VKORC1L1: variants seen among roughly 807,000 people sequenced by gnomAD.
VKORC1L1 encodes the protein vitamin K epoxide reductase complex subunit 1L1.
VKORC1L1 carries 2 observed loss-of-function variants against 18.9 expected under a neutral mutation model. The observed-to-expected ratio is 0.11, with a 90% CI of 0.04 to 0.33. The LOEUF is 0.33. Ranked by LOEUF, VKORC1L1 falls within the 10% of genes least tolerant of loss-of-function variation. The pLI is 1.00. For synonymous variants in VKORC1L1, 96 were observed against 100.0 expected (o/e 0.96, Z 0.24); for missense variants, 123 against 224.1 (o/e 0.55, Z 2.88).
rs1788761521 is a variant in VKORC1L1, at chr7:65,873,333, G to T, written c.-39G>T. 8 of 1,440,236 alleles carry T rather than the reference G, an allele frequency of 5.6e-6. No homozygotes were observed. Among genetic ancestry groups the T allele is most frequent in the African/African-American group, 1.5e-5 (1 of 68,058 alleles). The allele number at this position is 1,440,236 out of a possible 1,614,324, so 89.2% of individuals were successfully genotyped here. On this transcript the variant is annotated 5_prime_UTR_variant, in exon 1 of 3. Transcript: ENST00000360768. The stretch of plus-strand genomic sequence containing the variant: ...GCCCCGACGGGCGGCGGCGGCTGAG[G>T]TGGAGGCGGAGGGAGGCGGCGGCGG...
chr7:65,935,338 G>C (rs1381686833), intron 1 of VKORC1L1, among the ~76,000 whole-genome samples: 1 of 151,700 alleles, frequency 6.6e-6, no homozygotes, highest in African/African-American at 2.4e-5. Flanking sequence ...TGAGATGGAG[G>C]CTTGGTCTGT....
chr7:65,944,549 G>A (rs62470922), intron 1 of VKORC1L1, among the ~76,000 whole-genome samples: 5,706 of 151,828 alleles, frequency 0.038, 167 homozygotes, highest in East Asian at 0.097. Context: ...AATAATACAT[G>A]GGTGTTTATT....
At chr7:65,953,934 T>G in intron 2 of VKORC1L1, 140 bp from the exon 3 acceptor site, 1 of 705,050 alleles carries the variant, frequency 1.4e-6, no homozygotes, top group Non-Finnish European at 2.3e-6. Context: ...CAGAGCAGTA[T>G]TTCTGTTCTC....
At chr7:65,900,760 G>A (rs1789301785) in intron 1 of VKORC1L1, among the ~76,000 whole-genome samples, 1 of 151,590 alleles carries the variant, frequency 6.6e-6, no homozygotes, top group South Asian at 2.1e-4. Flanking sequence ...AGCCAAGATT[G>A]CGCCATTGAA....
At chr7:65,954,047 ACT>A (rs1229704908) in intron 2 of VKORC1L1, 25 bp from the exon 3 acceptor site, 1 of 1,569,552 alleles carries the variant, frequency 6.4e-7, no homozygotes. Flanking sequence ...CCAAGGCCTG[ACT>A]GAGCCTGCGT....
chr7:65,880,259 A>G (rs1188352694), intron 1 of VKORC1L1, among the ~76,000 whole-genome samples: 2 of 152,208 alleles, frequency 1.3e-5, no homozygotes, highest in East Asian at 1.9e-4. Flanking sequence ...TTCTGTATCT[A>G]TGTGACAAAA....
Position 65,894,024 on chromosome 7 carries a change from G to A in VKORC1L1, c.194+20459G>A, listed in dbSNP as rs1464624365. 4.0e-5 allele frequency among the ~76,000 whole-genome samples: 6 copies of A among 151,574 alleles called. No homozygotes were observed. In the South Asian group the frequency reaches 8.3e-4, roughly 21 times the overall value. ...GGCTGGAGTGCAATGGTGCGATCTC[G>A]GCTCACTGCAACCTCCGCCTCCCAG... is the stretch of plus-strand genomic sequence containing the variant. On this transcript the variant is annotated intron_variant, in intron 1 of 2. Transcript: ENST00000360768.
chr7:65,889,064 T>A (rs1209278184), intron 1 of VKORC1L1, among the ~76,000 whole-genome samples: 5 of 151,642 alleles, frequency 3.3e-5, no homozygotes, highest in Non-Finnish European at 7.4e-5. Context: ...TGACAGTTCT[T>A]CATTTTCCTC....
chr7:65,889,760 C>T (rs1789080252), intron 1 of VKORC1L1, among the ~76,000 whole-genome samples: 1 of 152,142 alleles, frequency 6.6e-6, no homozygotes, highest in South Asian at 2.1e-4. Flanking sequence ...CGCACCTAAA[C>T]TTAGTAGTTT....
chr7:65,954,462 G>A lies in VKORC1L1; in HGVS notation c.*162G>A, dbSNP rs562583322. ...ATCCGGTAAATTAGAAGGGGCCCTCGCTATTTTCTGTGTCAGTCTTCATTT... is the reference window on the plus strand; with the variant it reads ...ATCCGGTAAATTAGAAGGGGCCCTCACTATTTTCTGTGTCAGTCTTCATTT... On this transcript the variant is annotated 3_prime_UTR_variant, in exon 3 of 3. Transcript: ENST00000360768. 10 of 1,206,848 alleles carry A rather than the reference G, an allele frequency of 8.3e-6. No individual in the cohort carries two copies. Among genetic ancestry groups the A allele is most frequent in the Admixed American group, 3.2e-5 (1 of 31,296 alleles). The allele number at this position is 1,206,848 out of a possible 1,614,324, so 74.8% of individuals were successfully genotyped here.
intron 1 of VKORC1L1, among the ~76,000 whole-genome samples, chr7:65,891,816 A>G (rs1200270676): frequency 2.6e-5 from 4 of 152,200 alleles, no homozygotes; most frequent in South Asian, 2.1e-4. Context: ...GAATATTCCA[A>G]TTCTAGTCTT....
intron 1 of VKORC1L1, among the ~76,000 whole-genome samples, chr7:65,924,734 G>A (rs1456334439): frequency 6.6e-6 from 1 of 152,128 alleles, no homozygotes; most frequent in African/African-American, 2.4e-5. Flanking sequence ...TTCAAATTGG[G>A]TGAAAATCTA....
intron 1 of VKORC1L1, among the ~76,000 whole-genome samples, chr7:65,876,023 A>C (rs562126476): frequency 1.3e-5 from 2 of 152,302 alleles, no homozygotes; most frequent in African/African-American, 4.8e-5. Context: ...TCTGTGTGTA[A>C]AGTCCTCTAT....
chr7:65,914,853 A>G (rs934203819), intron 1 of VKORC1L1, among the ~76,000 whole-genome samples: 3 of 152,070 alleles, frequency 2.0e-5, no homozygotes, highest in Non-Finnish European at 4.4e-5. Flanking sequence ...AAAATAACAA[A>G]AATTAGCTGG....
intron 1 of VKORC1L1, among the ~76,000 whole-genome samples, chr7:65,948,004 C>T (rs1790151021): frequency 1.3e-5 from 2 of 152,234 alleles, no homozygotes; most frequent in African/African-American, 4.8e-5. Flanking sequence ...TTAAAAAATA[C>T]ATTCCCAGTA....
intron 1 of VKORC1L1, among the ~76,000 whole-genome samples, chr7:65,884,813 A>T (rs920760675): frequency 6.6e-6 from 1 of 152,212 alleles, no homozygotes; most frequent in African/African-American, 2.4e-5. Context: ...TTCCCCAAGC[A>T]TCAGCAAGAT....
intron 1 of VKORC1L1, among the ~76,000 whole-genome samples, chr7:65,890,155 G>C (rs1379447454): frequency 1.6e-5 from 2 of 128,148 alleles, no homozygotes; most frequent in African/African-American, 3.0e-5. Flanking sequence ...TTTTGAGACA[G>C]AGTCTCGCTC....
intron 1 of VKORC1L1, among the ~76,000 whole-genome samples, chr7:65,920,578 CAGG>C (rs1789659091): frequency 6.6e-6 from 1 of 152,160 alleles, no homozygotes; most frequent in Non-Finnish European, 1.5e-5. Context: ...AGAAAGCTAA[CAGG>C]AGGAGTGGGG....
chr7:65,875,808 T>C (rs1466763336), intron 1 of VKORC1L1, among the ~76,000 whole-genome samples: 1 of 152,212 alleles, frequency 6.6e-6, no homozygotes, highest in African/African-American at 2.4e-5. Flanking sequence ...TACTCAAATA[T>C]GTGACTCTTT....
Sources: gnomAD v4.1 joint callset for allele counts (sites outside exome capture counted in the v4.1 genomes callset) on GRCh38, gnomAD v4.1.1 for gene constraint, MANE v1.5 for transcripts, NCBI Gene and HGNC (gene_info 2026-07-23, HGNC 2026-07-21) for gene names.